THSD7B: variants seen among roughly 807,000 people sequenced by gnomAD.
THSD7B encodes thrombospondin type-1 domain-containing protein 7B.
In THSD7B, 138 loss-of-function variants were observed where a neutral mutation model predicts 213.6. That is an observed-to-expected ratio of 0.65 (90% CI 0.56 to 0.74). The LOEUF (loss-of-function observed/expected upper bound fraction) is 0.74, where lower values mean the gene tolerates loss of function less well. Among genes scored for constraint, THSD7B ranks in the 30% least tolerant of loss-of-function variants. THSD7B has a pLI of 0.00. For synonymous variants in THSD7B, 742 were observed against 687.0 expected, an observed-to-expected ratio of 1.08 and a Z score of -1.25; for missense variants, 1,931 against 1,991.5, an observed-to-expected ratio of 0.97 and a Z score of 0.58.
At chr2:137,106,843 A>G (rs554912091) in intron 4 of THSD7B, among the ~76,000 whole-genome samples, 1 of 152,348 alleles carries the variant, frequency 6.6e-6, no homozygotes, top group Non-Finnish European at 1.5e-5. Flanking sequence ...ACAATGAGAT[A>G]CCATCTCATA....
chr2:137,003,492 T>C (rs1686040923), intron 2 of THSD7B, among the ~76,000 whole-genome samples: 1 of 152,186 alleles, frequency 6.6e-6, no homozygotes, highest in African/African-American at 2.4e-5. Context: ...TCATTTGAAA[T>C]AAAGCGGGAA....
intron 2 of THSD7B, among the ~76,000 whole-genome samples, chr2:136,951,240 G>T (rs1685032771): frequency 2.0e-5 from 3 of 152,058 alleles, no homozygotes; most frequent in South Asian, 2.1e-4. Flanking sequence ...GCAATTTAAG[G>T]CTGAGACACA....
At chr2:137,029,665 G>A (rs1169490901) in intron 2 of THSD7B, among the ~76,000 whole-genome samples, 1 of 152,130 alleles carries the variant, frequency 6.6e-6, no homozygotes, top group Admixed American at 6.5e-5. Flanking sequence ...CTAGATCCAA[G>A]GGGTCCTTCA....
intron 2 of THSD7B, among the ~76,000 whole-genome samples, chr2:136,974,412 A>G (rs746525887): frequency 6.6e-6 from 1 of 150,412 alleles, no homozygotes; most frequent in Non-Finnish European, 1.5e-5. Context: ...ATGTGTTCTC[A>G]TTGTTCAGCT....
At chr2:137,008,990 C>T (rs1285505301) in intron 2 of THSD7B, among the ~76,000 whole-genome samples, 3 of 152,160 alleles carry the variant, frequency 2.0e-5, no homozygotes, top group Non-Finnish European at 4.4e-5. Context: ...ATGTGGGGCT[C>T]TTTTGTTCTT....
chr2:137,333,240 G>A lies in THSD7B; in HGVS notation c.2500+57214G>A, dbSNP rs534793915. Among the ~76,000 whole-genome samples, 48 of 152,212 alleles carry A rather than the reference G, an allele frequency of 3.2e-4. No homozygotes were observed. The East Asian group carries it at 5.2e-3, about 17-fold the overall frequency. ...CGATACATCTACCTCCTGGGAGGAC[G>A]CAAATTGTCTTCATCTACACCACCA... is the stretch of plus-strand genomic sequence containing the variant. On this transcript the variant is annotated intron_variant, in intron 12 of 27. Coordinates refer to ENST00000409968, the MANE Select transcript of THSD7B (RefSeq NM_001316349.2).
intron 15 of THSD7B, among the ~76,000 whole-genome samples, chr2:137,542,273 G>A (rs1003473531): frequency 3.3e-5 from 5 of 151,632 alleles, no homozygotes; most frequent in Admixed American, 6.6e-5. Context: ...ATCAGAAACC[G>A]TGGAGGCAAG....
At position 137,272,563 on chromosome 2, in the gene THSD7B, GA is replaced by G. The variant is rs1328635460; in HGVS notation, c.2299del (p.Ile767SerfsTer44). 1 of 1,611,372 alleles carries G rather than the reference GA, an allele frequency of 6.2e-7. No individual in the cohort carries two copies. Among genetic ancestry groups the G allele is most frequent in the African/African-American group, 1.3e-5 (1 of 74,726 alleles). ...GNATVKQSRYRIIIQEAANGG... is the reference protein window; with the variant it reads ...GNATVKQSRYXIIIQEAANGG... The stretch of plus-strand genomic sequence containing the variant: ...GCCACAGTAAAACAGTCTCGATACA[GA>G]ATCATCATCCAAGAAGCAGCCAATG... On this transcript the variant is annotated frameshift_variant, in exon 11 of 28. Transcript: ENST00000409968. LOFTEE classifies it high-confidence loss of function.
At chr2:137,500,416 G>C (rs1452793971) in intron 15 of THSD7B, among the ~76,000 whole-genome samples, 1 of 152,162 alleles carries the variant, frequency 6.6e-6, no homozygotes, top group Non-Finnish European at 1.5e-5. Flanking sequence ...CGGCCCTGCT[G>C]TCATTGCAGT....
rs754758247 is a variant in THSD7B at position 137,056,742 on chromosome 2, T to A, written c.462T>A (p.Val154=). ...RCIQKLNRTV[V]ANEICEHFAL... is the part of the protein sequence containing the mutation. The stretch of plus-strand genomic sequence containing the variant: ...TTCAGAAGCTGAACCGAACTGTGGT[T>A]GCAAATGAAATATGCGAACACTTTG... Residue 154 remains valine (V), a synonymous_variant, in exon 3 of 28, where the codon GTT becomes GTA. Coordinates refer to ENST00000409968, the MANE Select transcript of THSD7B (RefSeq NM_001316349.2). The A allele has an allele frequency of 3.1e-6, 5 of 1,613,886 alleles. No homozygotes were observed. In the African/African-American group the frequency reaches 6.7e-5, roughly 22 times the overall value.
intron 15 of THSD7B, among the ~76,000 whole-genome samples, chr2:137,468,327 G>A (rs1469547750): frequency 6.6e-6 from 1 of 152,068 alleles, no homozygotes; most frequent in African/African-American, 2.4e-5. Flanking sequence ...ATTCAGAAGA[G>A]GTGAGGGTAG....
Position 137,656,875 on chromosome 2 carries a change from G to C in THSD7B, c.4185G>C (p.Val1395=), listed in dbSNP as rs755829942. The C allele has an allele frequency of 6.2e-7, 1 of 1,613,950 alleles. No individual in the cohort carries two copies. Among genetic ancestry groups the C allele is most frequent in the East Asian group, 2.2e-5 (1 of 44,882 alleles). Residue 1395 remains valine (V), a synonymous_variant, in exon 23 of 28, where the codon GTG becomes GTC. Coordinates refer to ENST00000409968, the MANE Select transcript of THSD7B (RefSeq NM_001316349.2). ...TTGATGGAAGAAGCTTTGAGACTGTGGGCCGCCAGTCTAGATCAAGGACTT... is the reference window on the plus strand; with the variant it reads ...TTGATGGAAGAAGCTTTGAGACTGTCGGCCGCCAGTCTAGATCAAGGACTT... ...TCIDGRSFET[V]GRQSRSRTFI...
chr2:136,879,642 A>G (rs1256800482), intron 1 of THSD7B, among the ~76,000 whole-genome samples: 2 of 152,136 alleles, frequency 1.3e-5, no homozygotes, highest in African/African-American at 4.8e-5. Flanking sequence ...CATCCCTTGT[A>G]AGTTGGATTC....
At chr2:137,667,629 T>C in intron 26 of THSD7B, 145 bp from the exon 27 acceptor site, 1 of 605,518 alleles carries the variant, frequency 1.7e-6, no homozygotes, top group East Asian at 2.8e-5. Context: ...ACTTCTGCAG[T>C]TGAGTGCACA....
At chr2:137,419,185 G>A (rs986024866) in intron 14 of THSD7B, among the ~76,000 whole-genome samples, 1 of 151,590 alleles carries the variant, frequency 6.6e-6, no homozygotes, top group Non-Finnish European at 1.5e-5. Flanking sequence ...TGGGTTTATA[G>A]GCATGAACCA....
At chr2:137,154,245 A>G (rs1679868452) in intron 5 of THSD7B, among the ~76,000 whole-genome samples, 1 of 152,096 alleles carries the variant, frequency 6.6e-6, no homozygotes, top group South Asian at 2.1e-4. Flanking sequence ...GGGGAAAAAA[A>G]TTAGTATCTT....
At chr2:136,920,432 AG>A (rs1220661194) in intron 2 of THSD7B, among the ~76,000 whole-genome samples, 2 of 152,154 alleles carry the variant, frequency 1.3e-5, no homozygotes, top group Non-Finnish European at 2.9e-5. Context: ...TTCTGTAGGC[AG>A]GTCATCTCAA....
chr2:137,569,214 G>A (rs1362710486), intron 16 of THSD7B, among the ~76,000 whole-genome samples: 1 of 152,218 alleles, frequency 6.6e-6, no homozygotes, highest in Non-Finnish European at 1.5e-5. Context: ...TTCTCTAGGA[G>A]TGCAGCTCTG....
chr2:137,089,254 G>A (rs1317136037), intron 3 of THSD7B, among the ~76,000 whole-genome samples: 1 of 119,266 alleles, frequency 8.4e-6, no homozygotes, highest in Non-Finnish European at 1.7e-5. Context: ...TGGTGTGTGT[G>A]TGTGTGTGTG....
Sources: allele counts gnomAD v4.1 joint callset (sites outside exome capture counted in the v4.1 genomes callset), GRCh38; gene constraint gnomAD v4.1.1; transcripts MANE v1.5; gene names NCBI Gene and HGNC (gene_info 2026-07-23, HGNC 2026-07-21).